Variants in ARHGEF17 observed in about 807,000 individuals in gnomAD.
ARHGEF17 encodes the protein Rho guanine nucleotide exchange factor 17.
A neutral mutation model predicts 174.0 loss-of-function variants in ARHGEF17; 80 were observed. The ratio of observed to expected loss-of-function variants is 0.46; its 90% CI spans 0.38 to 0.55. The LOEUF is 0.55. Ranked by LOEUF, ARHGEF17 falls within the 20% of genes least tolerant of loss-of-function variation. The pLI is 0.00. For synonymous variants in ARHGEF17, 1,311 were observed against 1,189.1 expected, an observed-to-expected ratio of 1.10 and a Z score of -2.11; for missense variants, 2,886 against 2,839.7, an observed-to-expected ratio of 1.02 and a Z score of -0.37.
At chr11:73,363,943 C>T (rs995702001) in intron 16 of ARHGEF17, 110 bp downstream of exon 16, 85 of 1,275,594 alleles carry the variant, frequency 6.7e-5, no homozygotes, top group Non-Finnish European at 8.9e-5. Flanking sequence ...TGTGTGGAGG[C>T]TGGAAGCCAG....
intron 2 of ARHGEF17, 167 bp downstream of exon 2, chr11:73,347,127 A>G (rs777782543): frequency 5.3e-6 from 4 of 749,350 alleles, no homozygotes; most frequent in South Asian, 4.4e-5. Context: ...CATTCCAGAG[A>G]AGGAGGAAGG....
intron 2 of ARHGEF17, among the ~76,000 whole-genome samples, chr11:73,351,949 G>A (rs1234683504): frequency 5.9e-5 from 9 of 152,216 alleles, no homozygotes; most frequent in Middle Eastern, 3.4e-3. Flanking sequence ...CGTGGTCTTC[G>A]CGTTTTAATA....
In ARHGEF17 at chr11:73,356,379, T is replaced by TGCCCC. The variant is rs1865641146; in HGVS notation, c.3840+28_3840+29insGCCCC. The TGCCCC allele has an allele frequency of 1.5e-5, 13 of 866,368 alleles. No individual in the cohort carries two copies. The Admixed American group carries it at 1.8e-4, about 12-fold the overall frequency. The allele number at this position is 866,368 out of a possible 1,614,324, so 53.7% of individuals were successfully genotyped here. A position where few individuals can be genotyped will look rare whatever the true frequency, so the allele number is the denominator to read the frequency against. The stretch of plus-strand genomic sequence containing the variant: ...GCGTGCGCCCTGCCCCACCCCACCC[T>TGCCCC]ACCCCACCCCACCCACATCTGTGTC... On this transcript the variant is annotated intron_variant, in intron 6 of 20. Coordinates refer to ENST00000263674, the MANE Select transcript of ARHGEF17 (RefSeq NM_014786.4).
chr11:73,343,972 C>A (rs1248410130), intron 1 of ARHGEF17, among the ~76,000 whole-genome samples: 1 of 152,198 alleles, frequency 6.6e-6, no homozygotes, highest in Non-Finnish European at 1.5e-5. Flanking sequence ...GCCTTTATGG[C>A]GTCTCTGTGT....
chr11:73,310,644 G>A lies in ARHGEF17; in HGVS notation c.2006G>A (p.Arg669Gln), dbSNP rs771155882. Residue 669 changes from arginine to glutamine, a missense_variant, in exon 1 of 21, where the codon CGA becomes CAA. Coordinates refer to ENST00000263674, the MANE Select transcript of ARHGEF17 (RefSeq NM_014786.4). ...GGCCTGGGTACCACAGGGATGTGGC[G>A]ACCTCTTTCCTCATCCTCGGCCCAG... is the stretch of plus-strand genomic sequence containing the variant. ...FCGLGTTGMW[R>Q]PLSSSSAQTN... 2.0e-5 allele frequency: 32 copies of A among 1,613,948 alleles called. No homozygotes were observed. In the East Asian group the frequency reaches 6.7e-4, roughly 34 times the overall value.
chr11:73,366,001 C>T (rs949679049), intron 20 of ARHGEF17, 54 bp downstream of exon 20: 156 of 1,563,820 alleles, frequency 1.0e-4, no homozygotes, highest in Non-Finnish European at 1.3e-4. Context: ...TGGTTTAGGA[C>T]TCCCCACTAT....
intron 18 of ARHGEF17, chr11:73,364,829 C>T: frequency 9.3e-6 from 5 of 534,804 alleles, no homozygotes; most frequent in Non-Finnish European, 1.6e-5. Flanking sequence ...TCTTATTCAT[C>T]CTCCTGCCCA....
In ARHGEF17 at chr11:73,309,133, G is replaced by T; in HGVS notation, c.495G>T (p.Ser165=). 6.4e-7 allele frequency: 1 copy of T among 1,574,454 alleles called. No homozygotes were observed. ...CGTGGGAGCCTCCGGCTCGGGAGTC[G>T]CGGCAGCCACCGACGCCACCCCCTC... The part of the protein sequence containing the change: ...GAAWEPPARE[S]RQPPTPPPRT... The change falls in exon 1 of 21, where the codon TCG becomes TCT. Residue 165 remains serine (S), a synonymous_variant. Transcript: ENST00000263674.
intron 9 of ARHGEF17, among the ~76,000 whole-genome samples, chr11:73,359,255 G>A (rs1254277545): frequency 6.6e-6 from 1 of 152,218 alleles, no homozygotes; most frequent in Non-Finnish European, 1.5e-5. Context: ...CATGTGTCCT[G>A]GCCCAAGGGT....
chr11:73,356,308 G>T lies in ARHGEF17; in HGVS notation c.3797G>T (p.Arg1266Leu). The change falls in exon 6 of 21, where the codon CGT (arginine) becomes CTT (leucine). Residue 1266 changes from arginine to leucine, a missense_variant. This residue lies in a region of ARHGEF17 where 353 missense variants were observed against 470.3 expected (regional missense o/e 0.75). Coordinates refer to ENST00000263674, the MANE Select transcript of ARHGEF17 (RefSeq NM_014786.4). ...GCCGAGGAGGCGGAGCGCCATGCCC[G>T]TGTGCTGCAGGAGATAGAGGCTCAC... is the stretch of plus-strand genomic sequence containing the variant. ...RSAEEAERHA[R>L]VLQEIEAHIE... The T allele has an allele frequency of 6.2e-7, 1 of 1,613,006 alleles. No individual in the cohort carries two copies.
rs554272619 is a variant in ARHGEF17, at chr11:73,310,913, C to T, written c.2275C>T (p.Leu759Phe). 35 of 1,613,814 alleles carry T rather than the reference C, an allele frequency of 2.2e-5. No homozygotes were observed. The highest frequency in any genetic ancestry group is 9.3e-5 in the African/African-American group (7 of 75,052). ...EPTGFSVDSNLLGSLSPKTGL... is the reference protein window; with the variant it reads ...EPTGFSVDSNFLGSLSPKTGL... The stretch of plus-strand genomic sequence containing the variant: ...TACTGGGTTCTCTGTGGACAGCAAC[C>T]TCCTGGGCTCACTGAGCCCCAAGAC... The change falls in exon 1 of 21, where the codon CTC becomes TTC. Residue 759 changes from leucine to phenylalanine, a missense_variant. Physicochemically the swap from Leu to Phe is conservative, Grantham distance 22. Transcript: ENST00000263674.
In ARHGEF17 at chr11:73,309,463, G is replaced by C. The variant is rs1484870606; in HGVS notation, c.825G>C (p.Ser275=). 1.3e-6 allele frequency: 2 copies of C among 1,542,992 alleles called. No individual in the cohort carries two copies. The highest frequency in any genetic ancestry group is 1.7e-6 in the Non-Finnish European group (2 of 1,143,608). Residue 275 remains serine, a synonymous_variant, in exon 1 of 21, where the codon TCG becomes TCC. Coordinates refer to ENST00000263674, the MANE Select transcript of ARHGEF17 (RefSeq NM_014786.4). ...QSPAYHGGHS[S]GSDDDRDGEG... is the part of the protein sequence containing the mutation. ...CGGCCTACCACGGCGGCCACTCCTC[G>C]GGCAGTGACGACGACCGAGACGGTG...
chr11:73,356,728 G>A lies in ARHGEF17; in HGVS notation c.3860G>A (p.Arg1287Gln), dbSNP rs141048297. 8.2e-5 allele frequency: 133 copies of A among 1,614,152 alleles called. No individual in the cohort carries two copies. Among genetic ancestry groups the A allele is most frequent in the Middle Eastern group, 1.6e-4 (1 of 6,062 alleles). Residue 1287 changes from arginine (R) to glutamine (Q), a missense_variant, in exon 7 of 21, where the codon CGG becomes CAG. Transcript: ENST00000263674. ...GMEDLQAPLRRFLRQEMVIEV... is the reference protein window; with the variant it reads ...GMEDLQAPLRQFLRQEMVIEV... ...CCACAGCTCCAGGCCCCTCTGCGGC[G>A]GTTCCTGAGACAGGAGATGGTCATT... is the stretch of plus-strand genomic sequence containing the variant.
intron 2 of ARHGEF17, among the ~76,000 whole-genome samples, chr11:73,352,542 A>G (rs1452356590): frequency 6.6e-6 from 1 of 151,596 alleles, no homozygotes; most frequent in East Asian, 1.9e-4. Context: ...AAGGAGCCCC[A>G]TCTTGCTTTC....
chr11:73,311,551 G>T lies in ARHGEF17; in HGVS notation c.2913G>T (p.Val971=). Residue 971 remains valine, a synonymous_variant, in exon 1 of 21, where the codon GTG becomes GTT. Transcript: ENST00000263674. ...CCGCCACATTTATGCCTATTGTGGT[G>T]CCTGAGCCACCAACTTCTGTTGGTC... ...SVPATFMPIV[V]PEPPTSVGPP... 6.2e-7 allele frequency: 1 copy of T among 1,613,594 alleles called. No homozygotes were observed. The highest frequency in any genetic ancestry group is 8.5e-7 in the Non-Finnish European group (1 of 1,180,032).
chr11:73,360,450 C>T lies in ARHGEF17; in HGVS notation c.4337C>T (p.Thr1446Ile). Reference protein sequence around the residue: ...LELCATRPEGTDSYIFEFPHP... With the variant: ...LELCATRPEGIDSYIFEFPHP... ...CTGTGCGCCACTCGGCCCGAGGGCA[C>T]CGACTCCTACATTTTTGAGTTCCCT... is the stretch of plus-strand genomic sequence containing the variant. The change falls in exon 11 of 21, where the codon ACC becomes ATC. Residue 1446 changes from threonine (T) to isoleucine (I), a missense_variant. Thr to Ile is a moderately conservative substitution (Grantham distance 89). Transcript: ENST00000263674. 5 of 1,614,086 alleles carry T rather than the reference C, an allele frequency of 3.1e-6. No homozygotes were observed. Among genetic ancestry groups the T allele is most frequent in the Non-Finnish European group, 4.2e-6 (5 of 1,180,056 alleles).
intron 1 of ARHGEF17, among the ~76,000 whole-genome samples, chr11:73,330,761 C>G (rs1865191269): frequency 6.6e-6 from 1 of 152,232 alleles, no homozygotes; most frequent in Non-Finnish European, 1.5e-5. Context: ...CCCTGGCTGT[C>G]CTGGAGGTGG....
intron 2 of ARHGEF17, among the ~76,000 whole-genome samples, chr11:73,352,355 A>G (rs1044059163): frequency 1.3e-5 from 2 of 152,200 alleles, no homozygotes; most frequent in African/African-American, 4.8e-5. Flanking sequence ...TTGATGAAAT[A>G]TGATATTTTA....
chr11:73,356,808 G>C (rs1294272544), intron 7 of ARHGEF17, 49 bp downstream of exon 7: 2 of 1,612,646 alleles, frequency 1.2e-6, no homozygotes, highest in East Asian at 4.5e-5. Flanking sequence ...TCCTCACTTT[G>C]TCCTCTCTTC....
Sources: allele counts gnomAD v4.1 joint callset (sites outside exome capture counted in the v4.1 genomes callset), GRCh38; gene constraint gnomAD v4.1.1; regional missense constraint gnomAD v4.1.1; transcripts MANE v1.5; gene names NCBI Gene and HGNC (gene_info 2026-07-23, HGNC 2026-07-21).